The following FGF12 variants were observed in gnomAD, a reference collection of about 807,000 sequenced individuals.
FGF12 encodes fibroblast growth factor 12B.
In FGF12, 14 loss-of-function variants were observed where a neutral mutation model predicts 23.6. The observed-to-expected ratio is 0.59, with a 90% CI of 0.39 to 0.93. The LOEUF (loss-of-function observed/expected upper bound fraction) is 0.93. Among genes scored for constraint, FGF12 ranks in the 40% least tolerant of loss-of-function variants. FGF12 has a pLI of 0.00. For missense variants in FGF12, 175 were observed against 217.8 expected, an observed-to-expected ratio of 0.80 and a Z score of 1.24; for synonymous variants, 62 against 77.3, an observed-to-expected ratio of 0.80 and a Z score of 1.04.
chr3:192,581,213 A>G (rs921938643), intron 2 of FGF12, among the ~76,000 whole-genome samples: 5 of 152,034 alleles, frequency 3.3e-5, no homozygotes, highest in Non-Finnish European at 7.4e-5. Context: ...ATTTATTACT[A>G]AATAAATAAA....
rs147460017 is a variant in FGF12, at chr3:192,228,674, G to A, written c.229-58018C>T. Among the ~76,000 whole-genome samples, 452 of 152,074 alleles carry A rather than the reference G, an allele frequency of 3.0e-3. 3 individuals carry two copies. Among genetic ancestry groups the A allele is most frequent in the Middle Eastern group, 0.017 (5 of 294 alleles). On this transcript the variant is annotated intron_variant, in intron 4 of 5. Coordinates refer to ENST00000445105, the MANE Select transcript of FGF12 (RefSeq NM_004113.6). ...TACAGAATCATCATCACTATTTTAG[G>A]AAAGAAACAATACTCAGAATTGAAT...
At chr3:192,537,385 T>G (rs1272255978) in intron 2 of FGF12, among the ~76,000 whole-genome samples, 1 of 152,196 alleles carries the variant, frequency 6.6e-6, no homozygotes, top group Non-Finnish European at 1.5e-5. Context: ...CAAACGATTT[T>G]CCATAGTGGT....
chr3:192,616,158 T>C (rs1268156767), intron 2 of FGF12, among the ~76,000 whole-genome samples: 1 of 152,030 alleles, frequency 6.6e-6, no homozygotes, highest in Non-Finnish European at 1.5e-5. Context: ...GAAAAAATTA[T>C]CTTAAGTTGT....
At chr3:192,421,837 AT>A (rs1721537475) in intron 2 of FGF12, among the ~76,000 whole-genome samples, 1 of 151,944 alleles carries the variant, frequency 6.6e-6, no homozygotes, top group Non-Finnish European at 1.5e-5. Context: ...AAAAGAGTAA[AT>A]GACTCATCTC....
At chr3:192,631,848 G>T (rs190363143) in intron 2 of FGF12, among the ~76,000 whole-genome samples, 70 of 152,340 alleles carry the variant, frequency 4.6e-4, no homozygotes, top group African/African-American at 1.6e-3. Context: ...GGAATAGTTT[G>T]TGGGTGCTGC....
intron 2 of FGF12, among the ~76,000 whole-genome samples, chr3:192,446,464 AGTTAT>A (rs1722359026): frequency 6.6e-6 from 1 of 152,228 alleles, no homozygotes; most frequent in African/African-American, 2.4e-5. Flanking sequence ...TTGAGCACCA[AGTTAT>A]GCAATGAACC....
At chr3:192,403,639 T>C (rs983418341) in intron 2 of FGF12, among the ~76,000 whole-genome samples, 3 of 151,664 alleles carry the variant, frequency 2.0e-5, no homozygotes, top group Non-Finnish European at 4.4e-5. Context: ...AAAGAGAAAA[T>C]GTAATCAAAG....
At chr3:192,186,447 G>A (rs1361087637) in intron 4 of FGF12, among the ~76,000 whole-genome samples, 5 of 152,170 alleles carry the variant, frequency 3.3e-5, no homozygotes, top group Admixed American at 6.5e-5. Flanking sequence ...ATATGTGGTT[G>A]TGCACATAGT....
At chr3:192,176,940 C>T (rs1018309722) in intron 4 of FGF12, among the ~76,000 whole-genome samples, 11 of 152,250 alleles carry the variant, frequency 7.2e-5, no homozygotes, top group Admixed American at 1.3e-4. Context: ...TATTATACAA[C>T]GCCCATGCTT....
At chr3:192,642,278 G>A (rs757748960) in intron 2 of FGF12, among the ~76,000 whole-genome samples, 18 of 152,242 alleles carry the variant, frequency 1.2e-4, no homozygotes, top group Non-Finnish European at 2.1e-4. Context: ...GCATTACAGA[G>A]AGGGAAACCA....
intron 2 of FGF12, among the ~76,000 whole-genome samples, chr3:192,715,535 C>T (rs1718840031): frequency 6.6e-6 from 1 of 152,210 alleles, no homozygotes. Context: ...CAAATGCCAA[C>T]TCCTTCCTAG....
Position 192,139,689 on chromosome 3 carries a change from C to T in FGF12, c.*4320G>A, listed in dbSNP as rs1713260071. 6.6e-6 allele frequency: 1 copy of T among 151,926 alleles called. No individual in the cohort carries two copies. The highest frequency in any genetic ancestry group is 6.6e-5 in the Admixed American group (1 of 15,238). The allele number at this position is 151,926 out of a possible 1,614,324, so 9.4% of individuals were successfully genotyped here. ...CAATTTTTATTACATTATTTTAAGG[C>T]TATTATCATAATGTTAAATATTCTT... On this transcript the variant is annotated 3_prime_UTR_variant, in exon 6 of 6. Coordinates refer to ENST00000445105, the MANE Select transcript of FGF12 (RefSeq NM_004113.6).
intron 2 of FGF12, among the ~76,000 whole-genome samples, chr3:192,487,451 C>T (rs547195049): frequency 2.6e-5 from 4 of 152,218 alleles, no homozygotes; most frequent in Non-Finnish European, 4.4e-5. Flanking sequence ...TCATCCAAGC[C>T]TAGTGCTTAG....
chr3:192,357,592 C>CTT (rs1718534085), intron 3 of FGF12, among the ~76,000 whole-genome samples: 1 of 151,706 alleles, frequency 6.6e-6, no homozygotes, highest in Non-Finnish European at 1.5e-5. Context: ...AAACAAACAA[C>CTT]TTTTCTACAT....
intron 5 of FGF12, 74 bp downstream of exon 5, chr3:192,170,384 C>T: frequency 7.6e-7 from 1 of 1,308,176 alleles, no homozygotes; most frequent in Non-Finnish European, 1.1e-6. Context: ...CTCTCTGGAC[C>T]AAAAGGGCAA....
chr3:192,250,098 A>G (rs1174496219), intron 4 of FGF12, among the ~76,000 whole-genome samples: 1 of 152,158 alleles, frequency 6.6e-6, no homozygotes, highest in Non-Finnish European at 1.5e-5. Flanking sequence ...CGAAGTGTGC[A>G]CTCATGTGGA....
intron 4 of FGF12, among the ~76,000 whole-genome samples, chr3:192,206,773 A>G (rs1717669822): frequency 6.6e-6 from 1 of 152,186 alleles, no homozygotes; most frequent in Non-Finnish European, 1.5e-5. Context: ...ACAAATGGTG[A>G]GCAAAACGAA....
intron 2 of FGF12, among the ~76,000 whole-genome samples, chr3:192,534,881 A>T (rs1269148763): frequency 6.6e-6 from 1 of 152,172 alleles, no homozygotes; most frequent in African/African-American, 2.4e-5. Flanking sequence ...ATTTGGAGAC[A>T]TTCCTCCAAA....
At chr3:192,187,894 G>A (rs534577029) in intron 4 of FGF12, among the ~76,000 whole-genome samples, 1 of 152,266 alleles carries the variant, frequency 6.6e-6, no homozygotes, top group African/African-American at 2.4e-5. Flanking sequence ...CTCGACATGG[G>A]GGGTCAACTG....
Sources: gnomAD v4.1 joint callset for allele counts (sites outside exome capture counted in the v4.1 genomes callset) on GRCh38, gnomAD v4.1.1 for gene constraint, MANE v1.5 for transcripts, NCBI Gene and HGNC (gene_info 2026-07-23, HGNC 2026-07-21) for gene names.